LHFPL3: variants seen among roughly 807,000 people sequenced by gnomAD.
LHFPL3 encodes the protein LHFPL tetraspan subfamily member 3 protein.
LHFPL3 carries 5 observed loss-of-function variants against 19.3 expected under a neutral mutation model. The ratio of observed to expected loss-of-function variants is 0.26; its 90% CI spans 0.14 to 0.54. The LOEUF is 0.54. Among genes scored for constraint, LHFPL3 ranks in the 20% least tolerant of loss-of-function variants. The pLI is 0.94. For missense variants in LHFPL3, 249 were observed against 307.4 expected (o/e 0.81, Z 1.42); for synonymous variants, 133 against 126.2 (o/e 1.05, Z -0.36).
chr7:104,859,373 A>G (rs114056112), intron 2 of LHFPL3, among the ~76,000 whole-genome samples: 1,896 of 152,286 alleles, frequency 0.012, 41 homozygotes, highest in African/African-American at 0.043. Flanking sequence ...CTGCATTCAA[A>G]AAAGCATTAA....
At chr7:104,581,277 A>G (rs1408963189) in intron 1 of LHFPL3, among the ~76,000 whole-genome samples, 2 of 152,042 alleles carry the variant, frequency 1.3e-5, no homozygotes, top group Non-Finnish European at 2.9e-5. Context: ...AAGACTAATG[A>G]TGTTAAGCAC....
rs188815235 is a variant in LHFPL3, at chr7:104,844,857, A to G, written c.683-61330A>G. 3.3e-5 allele frequency among the ~76,000 whole-genome samples: 5 copies of G among 152,316 alleles called. No homozygotes were observed. In the East Asian group the frequency reaches 9.7e-4, roughly 29 times the overall value. Reference sequence around the variant, plus strand: ...AGGTTCAAGCAATTCTCCCTGCCTCAGACTCCCATGTAGCAGGGATTACAG... The same window carrying G: ...AGGTTCAAGCAATTCTCCCTGCCTCGGACTCCCATGTAGCAGGGATTACAG... On this transcript the variant is annotated intron_variant, in intron 2 of 2. Coordinates refer to ENST00000424859, the MANE Select transcript of LHFPL3 (RefSeq NM_199000.3).
chr7:104,748,497 G>A lies in LHFPL3; in HGVS notation c.682+11586G>A, dbSNP rs1180001013. 3.0e-4 allele frequency among the ~76,000 whole-genome samples: 39 copies of A among 129,036 alleles called. 1 individual carries two copies. Among genetic ancestry groups the A allele is most frequent in the Non-Finnish European group, 3.5e-4 (21 of 60,862 alleles). 84.7% of individuals were successfully genotyped at this position (129,036 alleles called of 152,430 possible). On this transcript the variant is annotated intron_variant, in intron 2 of 2. Coordinates refer to ENST00000424859, the MANE Select transcript of LHFPL3 (RefSeq NM_199000.3). ...CCATCTACTGAGATAGGGGAAAACC[G>A]CCTTAGGGCTGGAGGTGGGACCTGC... is the stretch of plus-strand genomic sequence containing the variant.
intron 2 of LHFPL3, among the ~76,000 whole-genome samples, chr7:104,816,834 G>T (rs1294078528): frequency 6.6e-6 from 1 of 152,140 alleles, no homozygotes; most frequent in African/African-American, 2.4e-5. Flanking sequence ...CTAGCCTCGG[G>T]CTGCTTTAAC....
intron 1 of LHFPL3, among the ~76,000 whole-genome samples, chr7:104,460,157 A>G (rs1394584286): frequency 6.6e-6 from 1 of 152,156 alleles, no homozygotes; most frequent in African/African-American, 2.4e-5. Flanking sequence ...AGCTCCATCC[A>G]TGTTCCCATA....
At chr7:104,886,527 G>T (rs1433080164) in intron 2 of LHFPL3, among the ~76,000 whole-genome samples, 1 of 152,096 alleles carries the variant, frequency 6.6e-6, no homozygotes, top group Non-Finnish European at 1.5e-5. Flanking sequence ...ACCACACCTG[G>T]CTAATTTTTG....
intron 2 of LHFPL3, among the ~76,000 whole-genome samples, chr7:104,823,488 G>C (rs1013496113): frequency 2.0e-4 from 31 of 152,152 alleles, no homozygotes; most frequent in African/African-American, 7.5e-4. Context: ...AAGCAGTTTG[G>C]GGTTTCTCCA....
At chr7:104,366,617 A>C (rs1239549208) in intron 1 of LHFPL3, among the ~76,000 whole-genome samples, 2 of 152,192 alleles carry the variant, frequency 1.3e-5, no homozygotes, top group Non-Finnish European at 2.9e-5. Flanking sequence ...CTGACTTCAC[A>C]AATAAGAGGT....
chr7:104,882,514 C>T (rs1045824303), intron 2 of LHFPL3, among the ~76,000 whole-genome samples: 3 of 152,166 alleles, frequency 2.0e-5, no homozygotes, highest in African/African-American at 7.2e-5. Context: ...TCCCAAAGTG[C>T]TGGGATTACA....
At chr7:104,674,491 C>G (rs781266621) in intron 1 of LHFPL3, among the ~76,000 whole-genome samples, 2 of 151,670 alleles carry the variant, frequency 1.3e-5, no homozygotes, top group Non-Finnish European at 2.9e-5. Context: ...GCCTCAGCCT[C>G]CCAAGTAGCT....
intron 2 of LHFPL3, among the ~76,000 whole-genome samples, chr7:104,840,149 A>G (rs1791167835): frequency 6.6e-6 from 1 of 151,888 alleles, no homozygotes. Flanking sequence ...TAACATTTGG[A>G]CTGGAAAAAT....
intron 2 of LHFPL3, among the ~76,000 whole-genome samples, chr7:104,859,910 G>A (rs1791582193): frequency 1.3e-5 from 2 of 152,148 alleles, no homozygotes; most frequent in Non-Finnish European, 2.9e-5. Context: ...AGGAGATGTT[G>A]ATAGTGCAGA....
At chr7:104,538,570 T>C (rs1348290620) in intron 1 of LHFPL3, among the ~76,000 whole-genome samples, 3 of 152,218 alleles carry the variant, frequency 2.0e-5, no homozygotes, top group Non-Finnish European at 4.4e-5. Context: ...TGTTTGCCAT[T>C]GTTTTCTTTA....
intron 2 of LHFPL3, among the ~76,000 whole-genome samples, chr7:104,819,972 C>CT (rs1272490290): frequency 1.3e-5 from 2 of 152,116 alleles, no homozygotes; most frequent in East Asian, 3.9e-4. Context: ...ATTGTGATCT[C>CT]TTTTTTAAGG....
At chr7:104,672,338 T>C (rs984160932) in intron 1 of LHFPL3, among the ~76,000 whole-genome samples, 1 of 152,186 alleles carries the variant, frequency 6.6e-6, no homozygotes, top group African/African-American at 2.4e-5. Flanking sequence ...GGTTTTATAG[T>C]CTTTCTGATG....
intron 2 of LHFPL3, among the ~76,000 whole-genome samples, chr7:104,851,271 C>A (rs1791410320): frequency 6.6e-6 from 1 of 152,126 alleles, no homozygotes; most frequent in Admixed American, 6.5e-5. Flanking sequence ...AAAGAAAGAA[C>A]AGGAAGCCTG....
At position 104,342,735 on chromosome 7, in the gene LHFPL3, A is replaced by G. The variant is rs182874402; in HGVS notation, c.445+13511A>G. Among the ~76,000 whole-genome samples the G allele has an allele frequency of 2.2e-4, 34 of 152,330 alleles. No individual in the cohort carries two copies. The East Asian group carries it at 5.8e-3, about 26-fold the overall frequency. On this transcript the variant is annotated intron_variant, in intron 1 of 2. Coordinates refer to ENST00000424859, the MANE Select transcript of LHFPL3 (RefSeq NM_199000.3). Reference sequence around the variant, plus strand: ...GAGAGCATTCTTTTTAAGCCTCACCAGAATTTTCCCTCATTAGCCCCAGTG... The same window carrying G: ...GAGAGCATTCTTTTTAAGCCTCACCGGAATTTTCCCTCATTAGCCCCAGTG...
intron 1 of LHFPL3, among the ~76,000 whole-genome samples, chr7:104,730,263 A>G (rs1793675236): frequency 6.6e-6 from 1 of 152,194 alleles, no homozygotes; most frequent in Non-Finnish European, 1.5e-5. Flanking sequence ...TATACCCAGT[A>G]ATGGGATGGC....
chr7:104,350,753 T>C (rs898458699), intron 1 of LHFPL3, among the ~76,000 whole-genome samples: 7 of 152,120 alleles, frequency 4.6e-5, no homozygotes, highest in African/African-American at 1.4e-4. Flanking sequence ...TGAAAAGGTC[T>C]CTTTGGCCGA....
Sources: allele counts gnomAD v4.1 joint callset (sites outside exome capture counted in the v4.1 genomes callset), GRCh38; gene constraint gnomAD v4.1.1; transcripts MANE v1.5; gene names NCBI Gene and HGNC (gene_info 2026-07-23, HGNC 2026-07-21).